Variants in NRAP observed in about 807,000 individuals in gnomAD.
The protein encoded by NRAP is nebulin-related-anchoring protein.
Under a neutral mutation model 225.9 loss-of-function variants are expected in NRAP, and 189 were observed. The observed-to-expected ratio is 0.84, with a 90% CI of 0.74 to 0.94. The LOEUF is 0.94. Ranked by LOEUF, NRAP falls within the 40% of genes least tolerant of loss-of-function variation. The probability of loss-of-function intolerance (pLI) is 0.00; values close to 1 mark genes in which losing one functional copy is unlikely to be tolerated. For missense variants in NRAP, 2,176 were observed against 2,168.7 expected (o/e 1.00, Z -0.07); for synonymous variants, 769 against 790.7 (o/e 0.97, Z 0.46).
At chr10:113,604,978 GA>G in intron 34 of NRAP, 58 bp from the exon 35 acceptor site, 1 of 1,546,614 alleles carries the variant, frequency 6.5e-7, no homozygotes, top group Non-Finnish European at 8.8e-7. Context: ...GCAGACTCTA[GA>G]AAAATCACTT....
rs200605155 is a variant in NRAP, at chr10:113,624,907, C to T, written c.2268G>A (p.Glu756=). 6.2e-7 allele frequency: 1 copy of T among 1,613,908 alleles called. No individual in the cohort carries two copies. The highest frequency in any genetic ancestry group is 8.5e-7 in the Non-Finnish European group (1 of 1,179,852). ...QSGVAYKAGN[E]QSVHQYTISK... ...TGATGGTATACTGATGGACAGACTG[C>T]TCATTTCCTGCCTTGTAGGCCACCT... Residue 756 remains glutamate, a synonymous_variant, in exon 22 of 42, where the codon GAG becomes GAA. Transcript: ENST00000359988.
chr10:113,618,601 C>T (rs1470221370), intron 25 of NRAP, among the ~76,000 whole-genome samples: 4 of 152,210 alleles, frequency 2.6e-5, no homozygotes, highest in African/African-American at 7.2e-5. Context: ...CGTAGGTGTG[C>T]GTGTGCATTT....
intron 9 of NRAP, among the ~76,000 whole-genome samples, chr10:113,649,076 A>G (rs1291275323): frequency 6.6e-6 from 1 of 152,342 alleles, no homozygotes; most frequent in Non-Finnish European, 1.5e-5. Context: ...AAAGCACTAA[A>G]AGACCACTTA....
At chr10:113,633,310 C>T in intron 15 of NRAP, 122 bp from the exon 16 acceptor site, 2 of 627,746 alleles carry the variant, frequency 3.2e-6, no homozygotes, top group South Asian at 3.8e-5. Context: ...AGGCATTTTA[C>T]AAGGCAGCCT....
chr10:113,649,347 A>T (rs1057502680), intron 9 of NRAP, among the ~76,000 whole-genome samples: 3 of 152,350 alleles, frequency 2.0e-5, no homozygotes, highest in African/African-American at 7.2e-5. Flanking sequence ...AAAATCACTT[A>T]AACCCATGGA....
In NRAP at chr10:113,652,931, TC is replaced by T; in HGVS notation, c.570+3del. 6.2e-7 allele frequency: 1 copy of T among 1,602,752 alleles called. No homozygotes were observed. Among genetic ancestry groups the T allele is most frequent in the African/African-American group, 1.3e-5 (1 of 74,632 alleles). On this transcript the variant is annotated splice_donor_region_variant and intron_variant, in intron 6 of 41. Coordinates refer to ENST00000359988, the MANE Select transcript of NRAP (RefSeq NM_198060.4). ...CAATGGTGAAAAAGCACCCAGGCAC[TC>T]ACTTGGCTGGCCAGCTGGTTGGCTT...
rs796298149 is a variant in NRAP at position 113,607,432 on chromosome 10, A to G, written c.3702+982T>C. ...AAAAAAAAAAAAAAAAAAAAAAAAA[A>G]AAAAGAAAAGAAAGAAAGAAAAGAA... On this transcript the variant is annotated intron_variant, in intron 32 of 41. Transcript: ENST00000359988. Among the ~76,000 whole-genome samples, 722 of 135,346 alleles carry G rather than the reference A, an allele frequency of 5.3e-3. 4 individuals carry two copies. The highest frequency in any genetic ancestry group is 0.017 in the African/African-American group (638 of 37,534). The allele number at this position is 135,346 out of a possible 152,430, so 88.8% of individuals were successfully genotyped here. A position where few individuals can be genotyped will look rare whatever the true frequency, so the allele number is the denominator to read the frequency against.
At chr10:113,591,777 GACAA>G in intron 39 of NRAP, among the ~76,000 whole-genome samples, 1 of 152,184 alleles carries the variant, frequency 6.6e-6, no homozygotes, top group Non-Finnish European at 1.5e-5. Flanking sequence ...ACTTGCCCAA[GACAA>G]ACAGCCAAAT....
intron 11 of NRAP, among the ~76,000 whole-genome samples, chr10:113,645,305 G>A (rs1024676254): frequency 1.3e-5 from 2 of 152,264 alleles, no homozygotes; most frequent in East Asian, 3.8e-4. Context: ...AACCACCAGA[G>A]AAAGATGTAA....
intron 10 of NRAP, 25 bp from the exon 11 acceptor site, chr10:113,645,966 G>T: frequency 8.0e-7 from 1 of 1,250,706 alleles, no homozygotes; most frequent in Non-Finnish European, 1.1e-6. Context: ...ACAAAACGGG[G>T]CTGGAGTTGA....
chr10:113,646,890 C>T, intron 10 of NRAP, 33 bp downstream of exon 10: 1 of 1,417,774 alleles, frequency 7.1e-7, no homozygotes, highest in Non-Finnish European at 1.0e-6. Flanking sequence ...TTCTCTGCCT[C>T]TGGCTCTGTG....
At chr10:113,651,948 C>T in intron 6 of NRAP, 41 bp from the exon 7 acceptor site, 1 of 1,245,522 alleles carries the variant, frequency 8.0e-7, no homozygotes, top group Non-Finnish European at 1.2e-6. Flanking sequence ...ACCCACCTCA[C>T]AGCCTCCTCA....
In NRAP at chr10:113,659,322, C is replaced by A. The variant is rs374906593; in HGVS notation, c.256-1748G>T. 1.4e-4 allele frequency among the ~76,000 whole-genome samples: 22 copies of A among 152,218 alleles called. No individual in the cohort carries two copies. The East Asian group carries it at 4.0e-3, about 28-fold the overall frequency. On this transcript the variant is annotated intron_variant, in intron 3 of 41. Coordinates refer to ENST00000359988, the MANE Select transcript of NRAP (RefSeq NM_198060.4). ...CTCCACCCACCAGATGCAATAATAC[C>A]CCATCAACACCAGTCACGACAATCA...
intron 27 of NRAP, among the ~76,000 whole-genome samples, chr10:113,615,149 G>A (rs932787523): frequency 1.3e-4 from 20 of 152,236 alleles, no homozygotes; most frequent in African/African-American, 4.6e-4. Flanking sequence ...GGCAGGGGAT[G>A]GGGTTGGGGG....
At chr10:113,647,072 C>T in intron 9 of NRAP, 45 bp from the exon 10 acceptor site, 2 of 1,238,944 alleles carry the variant, frequency 1.6e-6, no homozygotes, top group South Asian at 1.2e-5. Flanking sequence ...CTTCCCTCCC[C>T]AGATGGGTGG....
At chr10:113,605,905 A>G (rs117930694) in intron 33 of NRAP, 36 bp from the exon 34 acceptor site, 1 of 1,474,776 alleles carries the variant, frequency 6.8e-7, no homozygotes, top group Admixed American at 1.7e-5. Flanking sequence ...TTTTTAAAAA[A>G]TTACATGAAT....
chr10:113,649,334 A>G (rs1314527503), intron 9 of NRAP, among the ~76,000 whole-genome samples: 3 of 152,352 alleles, frequency 2.0e-5, no homozygotes, highest in Non-Finnish European at 2.9e-5. Flanking sequence ...CCAATTATGA[A>G]TAAAAATCAC....
rs189142066 is a variant in NRAP, at chr10:113,639,052, G to A, written c.1428+1175C>T. ...AAGCACATATTCAAATTTTAATAAG[G>A]TGCCTTTGATCTGCAAGTTTCCCAG... On this transcript the variant is annotated intron_variant, in intron 14 of 41. Transcript: ENST00000359988. Among the ~76,000 whole-genome samples, 7 of 146,852 alleles carry A rather than the reference G, an allele frequency of 4.8e-5. 1 individual carries two copies. Among genetic ancestry groups the A allele is most frequent in the African/African-American group, 1.8e-4 (7 of 39,384 alleles).
At chr10:113,628,775 C>T (rs974166840) in intron 20 of NRAP, 142 bp downstream of exon 20, 7 of 586,972 alleles carry the variant, frequency 1.2e-5, no homozygotes, top group African/African-American at 1.9e-5. Context: ...GAATGTGCTA[C>T]AGGTGTGAAA....
Sources: allele counts gnomAD v4.1 joint callset (sites outside exome capture counted in the v4.1 genomes callset), GRCh38; gene constraint gnomAD v4.1.1; transcripts MANE v1.5; gene names NCBI Gene and HGNC (gene_info 2026-07-23, HGNC 2026-07-21).